Variants in KDM2A observed in about 807,000 individuals in gnomAD.
The protein encoded by KDM2A is lysine demethylase 2A.
In KDM2A, 3 loss-of-function variants were observed where a neutral mutation model predicts 137.3. That is an observed-to-expected ratio of 0.02 (90% CI 0.01 to 0.06). The LOEUF (loss-of-function observed/expected upper bound fraction) is 0.06, where lower values mean the gene tolerates loss of function less well. Among genes scored for constraint, KDM2A ranks in the 10% least tolerant of loss-of-function variants. KDM2A has a pLI of 1.00. For synonymous variants in KDM2A, 512 were observed against 541.5 expected (o/e 0.95, Z 0.76); for missense variants, 738 against 1,510.6 (o/e 0.49, Z 8.48).
intron 12 of KDM2A, among the ~76,000 whole-genome samples, chr11:67,235,902 G>A (rs1391994308): frequency 6.6e-6 from 1 of 151,746 alleles, no homozygotes; most frequent in Non-Finnish European, 1.5e-5. Context: ...ACAGGCGTGA[G>A]CCACTGCGCC....
chr11:67,125,684 C>CA (rs1313856648), intron 2 of KDM2A, among the ~76,000 whole-genome samples: 1 of 151,024 alleles, frequency 6.6e-6, no homozygotes, highest in East Asian at 1.9e-4. Flanking sequence ...GAGGCTGAGG[C>CA]AGGAGAATCG....
rs373994623 is a variant in KDM2A at position 67,245,879 on chromosome 11, T to C, written c.1834-106T>C. 1.7e-5 allele frequency: 22 copies of C among 1,320,566 alleles called. No homozygotes were observed. Among genetic ancestry groups the C allele is most frequent in the East Asian group, 4.8e-5 (2 of 41,918 alleles). 81.8% of individuals were successfully genotyped at this position (1,320,566 alleles called of 1,614,324 possible). ...CCCTGCCTCCATGCTTCCAGGTGTTTAGTAGAGAATTATAGGACCCAAATC... is the reference window on the plus strand; with the variant it reads ...CCCTGCCTCCATGCTTCCAGGTGTTCAGTAGAGAATTATAGGACCCAAATC... On this transcript the variant is annotated intron_variant, in intron 14 of 20. Transcript: ENST00000529006. This position sits in a 1 kb window ranked among gnomAD's most constrained non-coding sequence, Gnocchi z 4.1.
intron 11 of KDM2A, 89 bp from the exon 12 acceptor site, chr11:67,231,477 C>G: frequency 8.3e-7 from 1 of 1,210,676 alleles, no homozygotes. Flanking sequence ...CATTTATAGC[C>G]TCAAGGCCCC....
chr11:67,239,935 G>A (rs1858975241), intron 12 of KDM2A: 3 of 588,732 alleles, frequency 5.1e-6, no homozygotes, highest in Admixed American at 5.1e-5. Flanking sequence ...TCTTCCAATC[G>A]CGAGGAAGAA....
chr11:67,239,993 G>A (rs879842858), intron 12 of KDM2A: 145 of 1,225,696 alleles, frequency 1.2e-4, no homozygotes, highest in Non-Finnish European at 1.4e-4. Context: ...AGAACGGCTG[G>A]GCCCTCTGCC....
chr11:67,235,302 A>ATT (rs139776975), intron 12 of KDM2A, among the ~76,000 whole-genome samples: 20 of 134,532 alleles, frequency 1.5e-4, no homozygotes, highest in African/African-American at 3.7e-4. Flanking sequence ...TACTATGAGA[A>ATT]TTTTTTTTTT....
intron 15 of KDM2A, among the ~76,000 whole-genome samples, chr11:67,247,115 G>A (rs1286227230): frequency 1.4e-5 from 1 of 71,000 alleles, no homozygotes; most frequent in East Asian, 4.4e-4. Flanking sequence ...TGGAGACAGA[G>A]TCTTGCTCCT....
chr11:67,223,264 A>G (rs1013844092), intron 10 of KDM2A, among the ~76,000 whole-genome samples: 2 of 152,098 alleles, frequency 1.3e-5, no homozygotes, highest in Non-Finnish European at 2.9e-5. Flanking sequence ...GGCATAAGTA[A>G]AAAGCAATGG....
intron 5 of KDM2A, among the ~76,000 whole-genome samples, 168 bp from the exon 6 acceptor site, chr11:67,207,342 C>T (rs890377333): frequency 6.6e-6 from 1 of 152,078 alleles, no homozygotes; most frequent in South Asian, 2.1e-4. Flanking sequence ...CATTGTCTTT[C>T]CCATTCTTTG....
chr11:67,219,172 A>G, intron 9 of KDM2A, 116 bp from the exon 10 acceptor site: 2 of 453,346 alleles, frequency 4.4e-6, no homozygotes, highest in Non-Finnish European at 7.9e-6. Context: ...TTGACAAACC[A>G]CTAAGAAGCA....
At chr11:67,215,284 A>G (rs1045238033) in intron 6 of KDM2A, 56 bp from the exon 7 acceptor site, 2 of 1,129,616 alleles carry the variant, frequency 1.8e-6, no homozygotes, top group Admixed American at 3.9e-5. Flanking sequence ...CTTTAAAATT[A>G]TCTTTGACCC....
Position 67,254,806 on chromosome 11 carries a change from C to G in KDM2A, c.3308-68C>G. 1 of 1,410,510 alleles carries G rather than the reference C, an allele frequency of 7.1e-7. No homozygotes were observed. Among genetic ancestry groups the G allele is most frequent in the Non-Finnish European group, 9.9e-7 (1 of 1,008,638 alleles). The allele number at this position is 1,410,510 out of a possible 1,614,324, so 87.4% of individuals were successfully genotyped here. ...TAGCATTTTGAAGGAAAGACGGCTA[C>G]AGGAATTGAATGGCAGAGGAAAGCT... On this transcript the variant is annotated intron_variant, in intron 20 of 20. Coordinates refer to ENST00000529006, the MANE Select transcript of KDM2A (RefSeq NM_012308.3). The surrounding 1 kb of genome is among the most constrained non-coding windows in gnomAD (Gnocchi z 4.7).
At chr11:67,240,340 C>T in intron 12 of KDM2A, 1 of 1,535,454 alleles carries the variant, frequency 6.5e-7, no homozygotes, top group Non-Finnish European at 8.7e-7. Flanking sequence ...CCAAGAGCCT[C>T]GGCAGCTCCA....
chr11:67,179,487 G>C (rs1857041016), intron 2 of KDM2A, among the ~76,000 whole-genome samples: 1 of 152,132 alleles, frequency 6.6e-6, no homozygotes, highest in African/African-American at 2.4e-5. Context: ...TGGTCAGGCT[G>C]GTCTCTAATC....
intron 12 of KDM2A, among the ~76,000 whole-genome samples, chr11:67,232,171 C>A (rs1811517740): frequency 6.6e-6 from 1 of 152,148 alleles, no homozygotes; most frequent in Non-Finnish European, 1.5e-5. Context: ...TTTATGTGTT[C>A]ATTGAAGACT....
chr11:67,165,833 A>G (rs747456839), intron 2 of KDM2A, among the ~76,000 whole-genome samples: 1 of 152,134 alleles, frequency 6.6e-6, no homozygotes, highest in Non-Finnish European at 1.5e-5. Context: ...TTGACTGGCA[A>G]AAAGAAAGGT....
chr11:67,162,167 G>A (rs138220901), intron 2 of KDM2A, among the ~76,000 whole-genome samples: 186 of 152,148 alleles, frequency 1.2e-3, no homozygotes, highest in African/African-American at 4.1e-3. Flanking sequence ...GGTTTATTTG[G>A]TAAATCTTCT....
At chr11:67,213,877 T>G (rs1858072395) in intron 6 of KDM2A, among the ~76,000 whole-genome samples, 1 of 152,116 alleles carries the variant, frequency 6.6e-6, no homozygotes, top group African/African-American at 2.4e-5. Context: ...GTTTTTGGGT[T>G]TTTTATTGAG....
intron 11 of KDM2A, among the ~76,000 whole-genome samples, chr11:67,230,106 G>T (rs959753190): frequency 6.6e-6 from 1 of 151,554 alleles, no homozygotes; most frequent in Admixed American, 6.6e-5. Flanking sequence ...AACCCAGAAG[G>T]TGGAGCTTGC....
Sources: gnomAD v4.1 joint callset for allele counts (sites outside exome capture counted in the v4.1 genomes callset) on GRCh38, gnomAD v4.1.1 for gene constraint, Gnocchi (gnomAD v3.1) non-coding constraint, MANE v1.5 for transcripts, NCBI Gene and HGNC (gene_info 2026-07-23, HGNC 2026-07-21) for gene names.